Variants in MIB1 observed in about 807,000 individuals in gnomAD.
MIB1 encodes the protein E3 ubiquitin-protein ligase MIB1.
MIB1 carries 278 observed loss-of-function variants against 124.5 expected under a neutral mutation model. The ratio of observed to expected loss-of-function variants is 2.23; its 90% CI spans 2.02 to 2.47. The LOEUF (loss-of-function observed/expected upper bound fraction) is 2.47. Ranked by LOEUF, MIB1 falls within the 30% of genes most tolerant of loss-of-function variation. MIB1 has a pLI of 0.00. For missense variants in MIB1, 957 were observed against 1,254.4 expected (o/e 0.76, Z 3.58); for synonymous variants, 446 against 429.4 (o/e 1.04, Z -0.48).
chr18:21,819,602 T>A lies in MIB1; in HGVS notation c.1785T>A (p.Asn595Lys). Residue 595 changes from asparagine to lysine, a missense_variant, in exon 12 of 21, where the codon AAT becomes AAA. Physicochemically the swap from Asn to Lys is moderately conservative, Grantham distance 94 (BLOSUM62 0). Coordinates refer to ENST00000261537, the MANE Select transcript of MIB1 (RefSeq NM_020774.4). ...CAGATGTTACCATCACAAACAATAA[T>A]GGATTTAATGCTCTGCATCATGCTG... is the stretch of plus-strand genomic sequence containing the variant. ...AGADVTITNN[N>K]GFNALHHAAL... is the part of the protein sequence containing the mutation. 6.2e-7 allele frequency: 1 copy of A among 1,612,114 alleles called. No homozygotes were observed. Among genetic ancestry groups the A allele is most frequent in the Non-Finnish European group, 8.5e-7 (1 of 1,178,992 alleles).
intron 1 of MIB1, among the ~76,000 whole-genome samples, chr18:21,712,498 T>C (rs2040670153): frequency 6.6e-6 from 1 of 152,178 alleles, no homozygotes; most frequent in Admixed American, 6.5e-5. Context: ...GAAGCAGCCA[T>C]GTGAACTGCC....
At chr18:21,815,047 AT>A (rs2041815993) in intron 10 of MIB1, among the ~76,000 whole-genome samples, 6 of 129,418 alleles carry the variant, frequency 4.6e-5, no homozygotes, top group South Asian at 2.3e-4. Context: ...ATATATATAT[AT>A]ATATATATAA....
chr18:21,733,033 G>A (rs933639849), intron 1 of MIB1, among the ~76,000 whole-genome samples: 2 of 152,142 alleles, frequency 1.3e-5, no homozygotes, highest in Non-Finnish European at 2.9e-5. Flanking sequence ...TGCTTTGACT[G>A]GACCACTTCC....
chr18:21,815,584 T>C (rs1370392074), intron 10 of MIB1, 32 bp from the exon 11 acceptor site: 12 of 1,557,796 alleles, frequency 7.7e-6, no homozygotes, highest in Non-Finnish European at 1.1e-5. Context: ...TCTAAAATAT[T>C]CACTAATTCA....
chr18:21,828,971 T>A (rs1277358097), intron 12 of MIB1: 1 of 465,790 alleles, frequency 2.1e-6, no homozygotes, highest in African/African-American at 2.0e-5. Flanking sequence ...GAGCTTCTTT[T>A]AGCTCAGTTT....
chr18:21,788,369 A>G (rs2041461130), intron 6 of MIB1, among the ~76,000 whole-genome samples: 1 of 152,228 alleles, frequency 6.6e-6, no homozygotes, highest in Admixed American at 6.5e-5. Flanking sequence ...TTACGAGCAT[A>G]CATGATCATA....
intron 1 of MIB1, among the ~76,000 whole-genome samples, chr18:21,734,200 G>C (rs890999607): frequency 1.1e-4 from 16 of 148,262 alleles, no homozygotes; most frequent in African/African-American, 3.7e-4. Context: ...TCCGCCTCCC[G>C]GGTTCACTCC....
At chr18:21,815,577 A>C (rs370086694) in intron 10 of MIB1, 39 bp from the exon 11 acceptor site, 22 of 1,543,730 alleles carry the variant, frequency 1.4e-5, no homozygotes, top group Non-Finnish European at 1.9e-5. Context: ...TTTTCTTTCT[A>C]AAATATTCAC....
intron 13 of MIB1, among the ~76,000 whole-genome samples, chr18:21,840,714 C>A: frequency 6.8e-6 from 1 of 146,172 alleles, no homozygotes; most frequent in African/African-American, 2.5e-5. Context: ...TGCCTGTGTC[C>A]CAGGTACTTG....
intron 17 of MIB1, among the ~76,000 whole-genome samples, chr18:21,851,883 G>T (rs141981285): frequency 6.6e-6 from 1 of 151,868 alleles, no homozygotes; most frequent in Non-Finnish European, 1.5e-5. Context: ...TTATAATAGC[G>T]GAATAGGTAC....
rs772619169 is a variant in MIB1, at chr18:21,815,734, C to T, written c.1598C>T (p.Pro533Leu). ...GCTCGAAACAAGCGCCGACAGACAC[C>T]ACTTCATATTGCTGTCAATAAAGGT... ...LNARNKRRQT[P>L]LHIAVNKGHL... Residue 533 changes from proline (P) to leucine (L), a missense_variant, in exon 11 of 21, where the codon CCA becomes CTA. Physicochemically the swap from Pro to Leu is moderately conservative, Grantham distance 98. Transcript: ENST00000261537. 6.2e-7 allele frequency: 1 copy of T among 1,614,116 alleles called. No homozygotes were observed. Among genetic ancestry groups the T allele is most frequent in the Non-Finnish European group, 8.5e-7 (1 of 1,180,024 alleles).
chr18:21,738,853 A>AAAAAAAAAAAAAAAAAAAC, upstream of MIB1, among the ~76,000 whole-genome samples: 1 of 135,878 alleles, frequency 7.4e-6, no homozygotes, highest in Non-Finnish European at 1.6e-5. Flanking sequence ...AAAAAAAAAA[A>AAAAAAAAAAAAAAAAAAAC]AAAAAAAAAA....
chr18:21,840,659 ATATATATTTTTTTTTT>A (rs2042079213), intron 13 of MIB1, among the ~76,000 whole-genome samples: 2 of 1,670 alleles, frequency 1.2e-3, no homozygotes, highest in Non-Finnish European at 2.2e-3. Context: ...ATATATATAT[ATATATATTTTTTTTTT>A]TTTTTAATTA....
At chr18:21,712,165 A>AC (rs1176443754) in intron 1 of MIB1, 1 of 155,286 alleles carries the variant, frequency 6.4e-6, no homozygotes, top group Non-Finnish European at 1.4e-5. Context: ...GAAACAACAG[A>AC]CCTAAAGCAG....
chr18:21,859,886 CAAAAAAAAAAA>C (rs934260189), intron 20 of MIB1, among the ~76,000 whole-genome samples: 2 of 28,416 alleles, frequency 7.0e-5, no homozygotes, highest in African/African-American at 2.7e-4. Flanking sequence ...GAGACTGTCT[CAAAAAAAAAAA>C]AAAAAAAAAA....
At chr18:21,850,336 A>G (rs944139806) in intron 17 of MIB1, among the ~76,000 whole-genome samples, 1 of 151,370 alleles carries the variant, frequency 6.6e-6, no homozygotes, top group African/African-American at 2.5e-5. Context: ...GTAAAAACTC[A>G]TGGAGTTTAT....
intron 6 of MIB1, among the ~76,000 whole-genome samples, chr18:21,783,622 A>G (rs541929902): frequency 1.0e-4 from 15 of 149,876 alleles, no homozygotes; most frequent in Admixed American, 2.0e-4. Context: ...TACTACTGCT[A>G]TTTTTGTTAC....
intron 1 of MIB1, among the ~76,000 whole-genome samples, chr18:21,753,895 C>G (rs2041002574): frequency 6.6e-6 from 1 of 152,170 alleles, no homozygotes; most frequent in African/African-American, 2.4e-5. Flanking sequence ...CCAGGCTGGT[C>G]TTGAACTCCT....
At chr18:21,858,116 G>T (rs1218054174) in intron 19 of MIB1, among the ~76,000 whole-genome samples, 1 of 152,154 alleles carries the variant, frequency 6.6e-6, no homozygotes, top group African/African-American at 2.4e-5. Flanking sequence ...ATTTGTGTAC[G>T]TCCTCATAAA....
Sources: gnomAD v4.1 joint callset for allele counts (sites outside exome capture counted in the v4.1 genomes callset) on GRCh38, gnomAD v4.1.1 for gene constraint, MANE v1.5 for transcripts, NCBI Gene and HGNC (gene_info 2026-07-23, HGNC 2026-07-21) for gene names.